DSE: variants seen among roughly 807,000 people sequenced by gnomAD.
The protein encoded by DSE is dermatan-sulfate epimerase.
In DSE, 36 loss-of-function variants were observed where a neutral mutation model predicts 84.4. The observed-to-expected ratio is 0.43, with a 90% CI of 0.33 to 0.56. DSE has a LOEUF of 0.56. DSE is among the 20% of genes least tolerant of loss of function. The pLI is 0.06. For missense variants in DSE, 862 were observed against 1,169.6 expected, an observed-to-expected ratio of 0.74 and a Z score of 3.84; for synonymous variants, 410 against 430.1, an observed-to-expected ratio of 0.95 and a Z score of 0.58.
At chr6:116,386,227 T>C (rs1278831746) in intron 1 of DSE, among the ~76,000 whole-genome samples, 1 of 152,230 alleles carries the variant, frequency 6.6e-6, no homozygotes, top group African/African-American at 2.4e-5. Context: ...GTATCACATT[T>C]TCTTTTATAA....
At chr6:116,388,193 AG>A (rs1367479259) in intron 1 of DSE, among the ~76,000 whole-genome samples, 3 of 152,188 alleles carry the variant, frequency 2.0e-5, no homozygotes, top group African/African-American at 7.2e-5. Context: ...CTGGAGACCC[AG>A]GAAAACAGGT....
chr6:116,407,902 T>C (rs1045453336), intron 2 of DSE, among the ~76,000 whole-genome samples: 2 of 152,232 alleles, frequency 1.3e-5, no homozygotes, highest in African/African-American at 4.8e-5. Flanking sequence ...AGTGGTCCAG[T>C]TGGACCATGT....
intron 2 of DSE, among the ~76,000 whole-genome samples, chr6:116,339,830 G>T (rs192929122): frequency 6.6e-6 from 1 of 152,298 alleles, no homozygotes; most frequent in East Asian, 1.9e-4. Flanking sequence ...TCTCCATTCT[G>T]CATTTAGGAT....
chr6:116,355,892 C>A (rs1255049233), intron 2 of DSE: 1 of 152,198 alleles, frequency 6.6e-6, no homozygotes, highest in Non-Finnish European at 1.5e-5. Context: ...GTTAAATAGC[C>A]TTCAATAACA....
intron 2 of DSE, among the ~76,000 whole-genome samples, chr6:116,338,470 C>T (rs760163923): frequency 1.3e-5 from 2 of 151,898 alleles, no homozygotes; most frequent in African/African-American, 2.4e-5. Context: ...GCGATCCACC[C>T]GCCTCAGCCT....
chr6:116,337,802 CTT>C (rs1777340403), intron 2 of DSE, among the ~76,000 whole-genome samples: 8 of 49,868 alleles, frequency 1.6e-4, no homozygotes, highest in African/African-American at 5.8e-4. Context: ...AGTTTACATA[CTT>C]CTTATGACCA....
At chr6:116,424,798 G>A (rs1238885306) in intron 2 of DSE, among the ~76,000 whole-genome samples, 1 of 152,160 alleles carries the variant, frequency 6.6e-6, no homozygotes, top group African/African-American at 2.4e-5. Flanking sequence ...GACCAGGGAA[G>A]GCCTCACCTA....
rs1029069182 is a variant in DSE, at chr6:116,371,018, G to C, written c.-157G>C. On this transcript the variant is annotated 5_prime_UTR_variant, in exon 1 of 6. Coordinates refer to ENST00000644252, the MANE Select transcript of DSE (RefSeq NM_013352.4). ...GGCGGGGGCGCGGAGGGCTCGGTTC[G>C]GAGGGGGCCGGGAGCCCGGGCGCCC... The C allele has an allele frequency of 1.0e-6, 1 of 985,672 alleles. No individual in the cohort carries two copies. Among genetic ancestry groups the C allele is most frequent in the African/African-American group, 1.7e-5 (1 of 57,312 alleles). The allele number at this position is 985,672 out of a possible 1,614,324, so 61.1% of individuals were successfully genotyped here.
intron 2 of DSE, among the ~76,000 whole-genome samples, chr6:116,299,769 G>A (rs1056484017): frequency 8.6e-5 from 13 of 151,694 alleles, no homozygotes; most frequent in African/African-American, 3.1e-4. Context: ...TAACTTTTTA[G>A]GGCACATCTT....
chr6:116,288,051 A>T (rs1484915073), intron 2 of DSE: 1 of 152,100 alleles, frequency 6.6e-6, no homozygotes, highest in Admixed American at 6.6e-5. Context: ...TAGGTTTATT[A>T]TGATGGCTCC....
chr6:116,259,802 C>T (rs962433382), intron 2 of DSE, among the ~76,000 whole-genome samples: 5 of 152,184 alleles, frequency 3.3e-5, no homozygotes, highest in African/African-American at 7.2e-5. Flanking sequence ...CATCCATGTT[C>T]CTGCAAAGGA....
chr6:116,413,269 T>C (rs1782498449), intron 2 of DSE, among the ~76,000 whole-genome samples: 1 of 152,204 alleles, frequency 6.6e-6, no homozygotes, highest in Non-Finnish European at 1.5e-5. Context: ...TCTATTTCAT[T>C]CCGTTAAAAA....
At chr6:116,319,832 T>A (rs1776197908) in intron 2 of DSE, among the ~76,000 whole-genome samples, 1 of 152,186 alleles carries the variant, frequency 6.6e-6, no homozygotes, top group South Asian at 2.1e-4. Flanking sequence ...TTTTCATAAA[T>A]ATGTTCTTCT....
chr6:116,288,308 ATAT>A (rs1479657905), intron 2 of DSE: 1 of 152,142 alleles, frequency 6.6e-6, no homozygotes, highest in Non-Finnish European at 1.5e-5. Context: ...GAAGATGGTA[ATAT>A]TATTTGTATT....
chr6:116,311,140 G>A (rs1392080771), intron 2 of DSE, among the ~76,000 whole-genome samples: 1 of 152,122 alleles, frequency 6.6e-6, no homozygotes, highest in Non-Finnish European at 1.5e-5. Context: ...CTCTTCAAAG[G>A]CTGTCTTTGA....
chr6:116,379,193 G>A (rs1780087714), intron 1 of DSE, among the ~76,000 whole-genome samples: 2 of 152,074 alleles, frequency 1.3e-5, no homozygotes, highest in African/African-American at 4.8e-5. Flanking sequence ...GCAGCATAAG[G>A]TGTTGGAAAA....
At chr6:116,349,400 A>T (rs1778185265) in intron 2 of DSE, among the ~76,000 whole-genome samples, 1 of 152,160 alleles carries the variant, frequency 6.6e-6, no homozygotes, top group Non-Finnish European at 1.5e-5. Flanking sequence ...TTTCAAGCTG[A>T]CTCAAGCTCC....
chr6:116,264,379 T>C (rs1204619559), intron 2 of DSE, among the ~76,000 whole-genome samples: 1 of 152,092 alleles, frequency 6.6e-6, no homozygotes. Flanking sequence ...CTACTATTAA[T>C]ACCCATGATT....
intron 2 of DSE, chr6:116,278,678 T>C (rs746483626): frequency 6.2e-7 from 1 of 1,614,148 alleles, no homozygotes; most frequent in Non-Finnish European, 8.5e-7. Flanking sequence ...TCTGGAAGGC[T>C]GTGGTCTGAA....
Sources: allele counts gnomAD v4.1 joint callset (sites outside exome capture counted in the v4.1 genomes callset), GRCh38; gene constraint gnomAD v4.1.1; transcripts MANE v1.5; gene names NCBI Gene and HGNC (gene_info 2026-07-23, HGNC 2026-07-21).